KCNH1: variants seen among roughly 807,000 people sequenced by gnomAD.
The protein encoded by KCNH1 is voltage-gated delayed rectifier potassium channel KCNH1.
A neutral mutation model predicts 69.2 loss-of-function variants in KCNH1; 27 were observed. The ratio of observed to expected loss-of-function variants is 0.39; its 90% CI spans 0.29 to 0.54. KCNH1 has a LOEUF of 0.54. KCNH1 is among the 20% of genes least tolerant of loss of function. KCNH1 has a pLI of 0.68. For synonymous variants in KCNH1, 456 were observed against 487.7 expected, an observed-to-expected ratio of 0.93 and a Z score of 0.86; for missense variants, 798 against 1,261.6, an observed-to-expected ratio of 0.63 and a Z score of 5.57.
At chr1:210,729,430 GC>G (rs1219201608) in intron 10 of KCNH1, among the ~76,000 whole-genome samples, 1 of 152,174 alleles carries the variant, frequency 6.6e-6, no homozygotes, top group African/African-American at 2.4e-5. Flanking sequence ...ACCCTGACAT[GC>G]GGCAGAGGAA....
At chr1:210,718,642 A>G in intron 10 of KCNH1, among the ~76,000 whole-genome samples, 1 of 66,606 alleles carries the variant, frequency 1.5e-5, no homozygotes, top group African/African-American at 1.1e-4. Context: ...ATATATATAC[A>G]TATATATATA....
chr1:210,971,362 C>T (rs1688508742), intron 6 of KCNH1, among the ~76,000 whole-genome samples: 1 of 152,122 alleles, frequency 6.6e-6, no homozygotes, highest in African/African-American at 2.4e-5. Flanking sequence ...GTAGTTGAGT[C>T]CATTCACACT....
At chr1:210,767,989 G>A (rs1683672203) in intron 10 of KCNH1, among the ~76,000 whole-genome samples, 1 of 152,230 alleles carries the variant, frequency 6.6e-6, no homozygotes, top group East Asian at 1.9e-4. Context: ...ATCCAACAGA[G>A]CCATTCTTCA....
At chr1:211,005,422 C>A (rs1689262205) in intron 6 of KCNH1, among the ~76,000 whole-genome samples, 1 of 152,004 alleles carries the variant, frequency 6.6e-6, no homozygotes, top group Non-Finnish European at 1.5e-5. Flanking sequence ...ACAAACAAAT[C>A]AGTGAAAAAG....
intron 7 of KCNH1, among the ~76,000 whole-genome samples, chr1:210,849,867 C>T (rs1685645789): frequency 6.6e-6 from 1 of 151,708 alleles, no homozygotes; most frequent in Admixed American, 6.6e-5. Context: ...AAGTGTAAGT[C>T]CATGGAGCAC....
chr1:210,917,225 G>GAAAGAAAGAAAGAAAGAA (rs771690002), intron 7 of KCNH1, among the ~76,000 whole-genome samples: 11 of 80,660 alleles, frequency 1.4e-4, no homozygotes, highest in Non-Finnish European at 2.3e-4. Flanking sequence ...GAGAGAGAGA[G>GAAAGAAAGAAAGAAAGAA]AGAGAGAAAG....
chr1:210,845,009 C>A (rs1366671393), intron 7 of KCNH1, among the ~76,000 whole-genome samples: 1 of 152,144 alleles, frequency 6.6e-6, no homozygotes, highest in Non-Finnish European at 1.5e-5. Flanking sequence ...ACACATACAT[C>A]CTCCCAAGAC....
At chr1:210,932,103 A>G (rs557403408) in intron 6 of KCNH1, among the ~76,000 whole-genome samples, 1 of 152,308 alleles carries the variant, frequency 6.6e-6, no homozygotes, top group East Asian at 1.9e-4. Flanking sequence ...AGATATGGAC[A>G]TCCACCCAGA....
intron 5 of KCNH1, among the ~76,000 whole-genome samples, chr1:211,066,666 A>T (rs1411299555): frequency 6.6e-6 from 1 of 152,188 alleles, no homozygotes; most frequent in Admixed American, 6.5e-5. Flanking sequence ...TATTATCCTC[A>T]TTTCAAATTA....
intron 10 of KCNH1, among the ~76,000 whole-genome samples, chr1:210,760,034 G>A (rs983473346): frequency 6.6e-5 from 10 of 152,096 alleles, no homozygotes; most frequent in Non-Finnish European, 1.3e-4. Flanking sequence ...AGCTGTGCAC[G>A]CGAGGAATCT....
intron 9 of KCNH1, among the ~76,000 whole-genome samples, chr1:210,784,026 C>T (rs954789166): frequency 2.0e-5 from 3 of 152,210 alleles, no homozygotes; most frequent in Admixed American, 2.0e-4. Context: ...AAACCTCCAG[C>T]AACTTGAACT....
chr1:211,058,731 C>T (rs1690362976), intron 5 of KCNH1, among the ~76,000 whole-genome samples: 1 of 152,038 alleles, frequency 6.6e-6, no homozygotes, highest in Non-Finnish European at 1.5e-5. Flanking sequence ...GAAGTCCTTA[C>T]TTACCAATAA....
In KCNH1 at chr1:210,682,644, G is replaced by C. The variant is rs1319412512; in HGVS notation, c.*637C>G. 3 of 152,456 alleles carry C rather than the reference G, an allele frequency of 2.0e-5. 1 individual carries two copies. The highest frequency in any genetic ancestry group is 2.0e-4 in the Admixed American group (3 of 15,276). The allele number at this position is 152,456 out of a possible 1,614,324, so 9.4% of individuals were successfully genotyped here. A position where few individuals can be genotyped will look rare whatever the true frequency, so the allele number is the denominator to read the frequency against. ...ACCTCCTTTGGGGAAGGAGACCTGA[G>C]GATTCCCAGCTTCAAGTGTCTATGG... On this transcript the variant is annotated 3_prime_UTR_variant, in exon 11 of 11. Coordinates refer to ENST00000271751, the MANE Select transcript of KCNH1 (RefSeq NM_172362.3).
intron 5 of KCNH1, among the ~76,000 whole-genome samples, chr1:211,072,592 A>G (rs182149885): frequency 1.6e-4 from 25 of 152,352 alleles, no homozygotes; most frequent in African/African-American, 6.0e-4. Context: ...GCAATGATAC[A>G]AGGAATGAGA....
At chr1:211,049,170 G>A (rs1385707016) in intron 5 of KCNH1, among the ~76,000 whole-genome samples, 1 of 152,172 alleles carries the variant, frequency 6.6e-6, no homozygotes. Flanking sequence ...CCACAGTTTA[G>A]AACAGAAGAG....
intron 6 of KCNH1, among the ~76,000 whole-genome samples, chr1:210,974,629 T>C (rs1010911795): frequency 1.3e-5 from 2 of 148,944 alleles, no homozygotes; most frequent in Non-Finnish European, 3.0e-5. Context: ...AGTGGCACGA[T>C]CTTGGCTCAC....
At chr1:210,850,291 G>A (rs937055546) in intron 7 of KCNH1, among the ~76,000 whole-genome samples, 4 of 151,986 alleles carry the variant, frequency 2.6e-5, no homozygotes, top group African/African-American at 9.6e-5. Flanking sequence ...TTGAGGTCAG[G>A]ATTTAAGACC....
intron 7 of KCNH1, chr1:210,860,633 T>C (rs1685957607): frequency 3.8e-6 from 3 of 795,432 alleles, no homozygotes; most frequent in South Asian, 2.7e-5. Flanking sequence ...GTTTCTGTTA[T>C]AATATGAAGA....
At chr1:210,778,098 C>T (rs968547043) in intron 9 of KCNH1, among the ~76,000 whole-genome samples, 2 of 152,206 alleles carry the variant, frequency 1.3e-5, no homozygotes, top group Non-Finnish European at 2.9e-5. Context: ...CCAGTCATGT[C>T]AAGAAGCCAT....
Sources: allele counts gnomAD v4.1 joint callset (sites outside exome capture counted in the v4.1 genomes callset), GRCh38; gene constraint gnomAD v4.1.1; transcripts MANE v1.5; gene names NCBI Gene and HGNC (gene_info 2026-07-23, HGNC 2026-07-21).